Variants in CPLANE1 observed in about 807,000 individuals in gnomAD.
CPLANE1 encodes the protein ciliogenesis and planar polarity effector complex subunit 1, also known as ciliogenesis and planar polarity effector 1.
A neutral mutation model predicts 362.5 loss-of-function variants in CPLANE1; 263 were observed. That is an observed-to-expected ratio of 0.73 (90% confidence interval 0.66 to 0.80). CPLANE1 has a LOEUF of 0.80. CPLANE1 is among the 30% of genes least tolerant of loss of function. The probability of loss-of-function intolerance (pLI) is 0.00; values close to 1 mark genes in which losing one functional copy is unlikely to be tolerated. For missense variants in CPLANE1, 3,461 were observed against 3,793.4 expected, an observed-to-expected ratio of 0.91 and a Z score of 2.30; for synonymous variants, 1,212 against 1,302.6, an observed-to-expected ratio of 0.93 and a Z score of 1.50.
chr5:37,097,174 C>A, the CPLANE1 span, among the ~76,000 whole-genome samples: 1 of 151,974 alleles, frequency 6.6e-6, no homozygotes, highest in African/African-American at 2.4e-5. Context: ...CATAGCAAGA[C>A]CCCATCTCGT....
At chr5:37,179,151 C>T (rs996634639) in intron 29 of CPLANE1, among the ~76,000 whole-genome samples, 2 of 152,120 alleles carry the variant, frequency 1.3e-5, no homozygotes, top group African/African-American at 2.4e-5. Flanking sequence ...AACTTCATTG[C>T]CTGAAATTAT....
chr5:37,148,002 C>T (rs545252199), intron 43 of CPLANE1, among the ~76,000 whole-genome samples, 179 bp downstream of exon 43: 138 of 131,726 alleles, frequency 1.0e-3, no homozygotes, highest in African/African-American at 4.3e-3. Flanking sequence ...AAAAAAAGGC[C>T]GTGAGGTGGA....
intron 20 of CPLANE1, among the ~76,000 whole-genome samples, chr5:37,197,494 T>C (rs1229777616): frequency 6.6e-6 from 1 of 152,190 alleles, no homozygotes; most frequent in Non-Finnish European, 1.5e-5. Flanking sequence ...TGGAAACGGA[T>C]GTTCCCCTAG....
At chr5:37,178,579 C>A (rs1390078721) in intron 29 of CPLANE1, among the ~76,000 whole-genome samples, 1 of 150,154 alleles carries the variant, frequency 6.7e-6, no homozygotes. Context: ...TGCCACTGCA[C>A]TCCAGCTTGG....
In CPLANE1 at chr5:37,183,664, T is replaced by C. The variant is rs141911199; in HGVS notation, c.4517A>G (p.His1506Arg). 1,571 of 1,605,066 alleles carry C rather than the reference T, an allele frequency of 9.8e-4. 3 individuals are homozygous for C. The highest frequency in any genetic ancestry group is 1.2e-3 in the Non-Finnish European group (1,402 of 1,177,272). The change falls in exon 26 of 53, where the codon CAT (histidine) becomes CGT (arginine). Residue 1506 changes from histidine (H) to arginine (R), a missense_variant. Coordinates refer to ENST00000651892, the MANE Select transcript of CPLANE1 (RefSeq NM_001384732.1). ...APNHMELTSI[H>R]KPTDKRKMCN... ...CATTTTCCTTTTATCAGTTGGCTTA[T>C]GAATTGATGTTAATTCCATGTGATT...
At chr5:37,229,326 G>A (rs1277982326) in intron 9 of CPLANE1, among the ~76,000 whole-genome samples, 1 of 151,888 alleles carries the variant, frequency 6.6e-6, no homozygotes, top group Admixed American at 6.6e-5. Flanking sequence ...AGCCGAGGCG[G>A]GAGGATCACA....
Position 37,227,780 on chromosome 5 carries a change from C to T in CPLANE1, c.1159G>A (p.Val387Ile), listed in dbSNP as rs1333047025. The T allele has an allele frequency of 1.3e-6, 2 of 1,551,134 alleles. No individual in the cohort carries two copies. Among genetic ancestry groups the T allele is most frequent in the Non-Finnish European group, 1.7e-6 (2 of 1,146,704 alleles). ...TCACTATCAGAAGCTGATGAATCAA[C>T]AGAATTATTTGAATCTTGAAACGTA... is the stretch of plus-strand genomic sequence containing the variant. ...QFTFQDSNNS[V>I]DSSASDSDPM... Residue 387 changes from valine (V) to isoleucine (I), a missense_variant, in exon 10 of 53, where the codon GTT becomes ATT. Val to Ile is a conservative substitution (Grantham distance 29). Transcript: ENST00000651892.
rs189240573 is a variant in CPLANE1 at position 37,169,561 on chromosome 5, T to G, written c.6463A>C (p.Asn2155His). The G allele has an allele frequency of 1.9e-6, 3 of 1,577,350 alleles. No homozygotes were observed. The highest frequency in any genetic ancestry group is 1.7e-6 in the Non-Finnish European group (2 of 1,164,808). ...SGQNSTGNVQ[N>H]VPHGSIPLCQ... ...AAAGGAATACTCCCATGTGGAACAT[T>G]CTGGAAGAGAAAAAAGATATTATGT... Residue 2155 changes from asparagine to histidine, a missense_variant and splice_region_variant, in exon 34 of 53, where the codon AAT becomes CAT. Around this residue, in one of 2 missense-constraint regions of CPLANE1, gnomAD observed 3,380 missense variants for 3,666.1 expected, o/e 0.92. Transcript: ENST00000651892.
intron 44 of CPLANE1, chr5:37,140,983 C>A: frequency 2.0e-6 from 2 of 985,392 alleles, no homozygotes; most frequent in Non-Finnish European, 2.4e-6. Context: ...TGACATCAGA[C>A]CTAGTTATAC....
chr5:37,129,980 T>C (rs1272865588), intron 46 of CPLANE1, among the ~76,000 whole-genome samples: 6 of 152,032 alleles, frequency 3.9e-5, no homozygotes. Flanking sequence ...ATTGCAAAAA[T>C]ATGGAACCAG....
intron 44 of CPLANE1, chr5:37,141,074 T>C (rs1769577061): frequency 6.1e-6 from 6 of 985,274 alleles, no homozygotes; most frequent in Non-Finnish European, 7.2e-6. Flanking sequence ...CTGAGTACCA[T>C]CAGTTACTAA....
chr5:37,120,473 G>C, intron 49 of CPLANE1, 133 bp from the exon 50 acceptor site: 2 of 666,310 alleles, frequency 3.0e-6, no homozygotes, highest in Non-Finnish European at 4.6e-6. Context: ...GCGAGGGTGG[G>C]ACAGGAGGAT....
In CPLANE1 at chr5:37,107,083, G is replaced by A; in HGVS notation, c.*519C>T. 1 of 985,444 alleles carries A rather than the reference G, an allele frequency of 1.0e-6. No homozygotes were observed. The highest frequency in any genetic ancestry group is 4.7e-5 in the South Asian group (1 of 21,290). The allele number at this position is 985,444 out of a possible 1,614,324, so 61.0% of individuals were successfully genotyped here. A position where few individuals can be genotyped will look rare whatever the true frequency, so the allele number is the denominator to read the frequency against. On this transcript the variant is annotated 3_prime_UTR_variant, in exon 53 of 53. Transcript: ENST00000651892. ...CTCCATGAAACTTTGCTTATTTAGA[G>A]ATTCAGGGTTGGTAAAAGGTAGTTG...
intron 1 of CPLANE1, 27 bp from the exon 2 acceptor site, chr5:37,247,772 T>TA: frequency 1.4e-6 from 2 of 1,408,164 alleles, no homozygotes; most frequent in Non-Finnish European, 1.9e-6. Flanking sequence ...TAATAAAATA[T>TA]AAATGATGCA....
At chr5:37,211,025 G>T (rs1197593147) in intron 16 of CPLANE1, 3 of 802,266 alleles carry the variant, frequency 3.7e-6, no homozygotes, top group Admixed American at 1.7e-5. Flanking sequence ...CAGCCCTAGA[G>T]AATGAAGTGT....
At chr5:37,161,824 A>G (rs1776922672) in intron 38 of CPLANE1, among the ~76,000 whole-genome samples, 1 of 152,246 alleles carries the variant, frequency 6.6e-6, no homozygotes, top group South Asian at 2.1e-4. Flanking sequence ...ATAGATTGCT[A>G]AATCACCCAA....
intron 44 of CPLANE1, chr5:37,139,910 C>T: frequency 1.0e-6 from 1 of 985,354 alleles, no homozygotes; most frequent in Non-Finnish European, 1.2e-6. Flanking sequence ...GAAGGCACAA[C>T]CCTTCTTTGC....
downstream of CPLANE1, among the ~76,000 whole-genome samples, chr5:37,105,328 CAAAACA>C (rs1305519612): frequency 2.1e-5 from 3 of 140,196 alleles, no homozygotes; most frequent in Non-Finnish European, 5.0e-5. Context: ...AAAACAAAAA[CAAAACA>C]AAAAACAAAA....
Position 37,165,621 on chromosome 5 carries a change from A to G in CPLANE1, c.7451T>C (p.Leu2484Pro). The G allele has an allele frequency of 6.2e-7, 1 of 1,612,090 alleles. No individual in the cohort carries two copies. The change falls in exon 36 of 53, where the codon CTG (leucine) becomes CCG (proline). Residue 2484 changes from leucine to proline, a missense_variant. Leu to Pro is a moderately conservative substitution (Grantham distance 98). Transcript: ENST00000651892. ...KELQEKRCEK[L>P]RRKPNVTFRP... is the part of the protein sequence containing the mutation. ...AAAAGTCACATTTGGTTTTCTCCTC[A>G]GTTTCTCACATCTTTTTTCTTGCAG...
Sources: gnomAD v4.1 joint callset for allele counts (sites outside exome capture counted in the v4.1 genomes callset) on GRCh38, gnomAD v4.1.1 for gene constraint, gnomAD v4.1.1 regional missense constraint, MANE v1.5 for transcripts, NCBI Gene and HGNC (gene_info 2026-07-23, HGNC 2026-07-21) for gene names.